The following FIBCD1 variants were observed in gnomAD, a reference collection of about 807,000 sequenced individuals.
FIBCD1 encodes fibrinogen C domain containing 1, also known as fibrinogen C domain-containing protein 1.
Under a neutral mutation model 45.1 loss-of-function variants are expected in FIBCD1, and 47 were observed. The observed-to-expected ratio is 1.04, with a 90% confidence interval of 0.82 to 1.33. The LOEUF (loss-of-function observed/expected upper bound fraction) is 1.33, where lower values mean the gene tolerates loss of function less well. Among genes scored for constraint, FIBCD1 ranks in the 40% most tolerant of loss-of-function variants. The pLI, the probability that FIBCD1 is intolerant of heterozygous loss-of-function variation, is 0.00. For synonymous variants in FIBCD1, 313 were observed against 308.1 expected, an observed-to-expected ratio of 1.02 and a Z score of -0.17; for missense variants, 653 against 682.2, an observed-to-expected ratio of 0.96 and a Z score of 0.48.
At position 130,922,987 on chromosome 9, in the gene FIBCD1, C is replaced by A. The variant is rs1374874486; in HGVS notation, c.849+757G>T. Among the ~76,000 whole-genome samples the A allele has an allele frequency of 1.3e-5, 2 of 152,170 alleles. No individual in the cohort carries two copies. Among genetic ancestry groups the A allele is most frequent in the East Asian group, 3.8e-4 (2 of 5,202 alleles). On this transcript the variant is annotated intron_variant, in intron 4 of 6. Coordinates refer to ENST00000372338, the MANE Select transcript of FIBCD1 (RefSeq NM_032843.5). The surrounding 1 kb of genome is among the most constrained non-coding windows in gnomAD (Gnocchi z 4.5). ...ACAGTGACTTCTTCCGCCCCCAATGCCCCCTGGCGTGTAAATTCCTCGGGA... is the reference window on the plus strand; with the variant it reads ...ACAGTGACTTCTTCCGCCCCCAATGACCCCTGGCGTGTAAATTCCTCGGGA...
At chr9:130,931,524 A>G (rs756429206) in intron 1 of FIBCD1, among the ~76,000 whole-genome samples, 1 of 152,202 alleles carries the variant, frequency 6.6e-6, no homozygotes, top group Non-Finnish European at 1.5e-5. Context: ...ACAAAAAACA[A>G]AAAACAAAAA....
chr9:130,924,409 G>C lies in FIBCD1; in HGVS notation c.553-13C>G. ...TCTCAGAGAGAAGCTGCGGAGCACA[G>C]GGGGTGAGCCGAGGGGGCAGGGGCT... On this transcript the variant is annotated splice_polypyrimidine_tract_variant and intron_variant, in intron 2 of 6. Transcript: ENST00000372338. 6.2e-7 allele frequency: 1 copy of C among 1,601,660 alleles called. No homozygotes were observed. The highest frequency in any genetic ancestry group is 8.5e-7 in the Non-Finnish European group (1 of 1,175,286).
intron 1 of FIBCD1, chr9:130,938,280 C>T (rs2133131534): frequency 1.2e-5 from 5 of 403,928 alleles, no homozygotes; most frequent in East Asian, 4.2e-5. Context: ...CAGGGGGCTG[C>T]TGGGGGTGCG....
At chr9:130,904,548 T>C (rs1047921746) in intron 6 of FIBCD1, among the ~76,000 whole-genome samples, 1 of 152,132 alleles carries the variant, frequency 6.6e-6, no homozygotes, top group Non-Finnish European at 1.5e-5. Context: ...TTCTCGGGCG[T>C]GCCTGGGGCT....
chr9:130,910,308 A>G (rs1832013659), intron 5 of FIBCD1, among the ~76,000 whole-genome samples: 1 of 152,208 alleles, frequency 6.6e-6, no homozygotes, highest in African/African-American at 2.4e-5. Context: ...CAGCAGTGCC[A>G]GCCCACCGGC....
intron 5 of FIBCD1, among the ~76,000 whole-genome samples, chr9:130,910,175 G>T (rs1235221714): frequency 1.3e-5 from 2 of 152,248 alleles, no homozygotes; most frequent in Admixed American, 1.3e-4. Flanking sequence ...GCCAGCTGGA[G>T]TTCCAGGTGG....
At chr9:130,917,439 C>A (rs189533808) in intron 4 of FIBCD1, among the ~76,000 whole-genome samples, 1 of 151,260 alleles carries the variant, frequency 6.6e-6, no homozygotes, top group Non-Finnish European at 1.5e-5. Context: ...GAAGGAGTGA[C>A]GGCTCTGGAC....
chr9:130,922,808 GC>G lies in FIBCD1; in HGVS notation c.849+935del, dbSNP rs2133103440. ...TCATCACGCACCACAAATCCCTCGG[GC>G]CCTGCTCCTCAGATGTTCCCTGGTA... On this transcript the variant is annotated intron_variant, in intron 4 of 6. Coordinates refer to ENST00000372338, the MANE Select transcript of FIBCD1 (RefSeq NM_032843.5). This position sits in a 1 kb window ranked among gnomAD's most constrained non-coding sequence, Gnocchi z 4.5. 6.6e-6 allele frequency among the ~76,000 whole-genome samples: 1 copy of G among 152,158 alleles called. No homozygotes were observed. The highest frequency in any genetic ancestry group is 2.4e-5 in the African/African-American group (1 of 41,508).
At chr9:130,904,474 CG>C in intron 6 of FIBCD1, 151 bp from the exon 7 acceptor site, 1 of 1,141,132 alleles carries the variant, frequency 8.8e-7, no homozygotes, top group East Asian at 2.5e-5. Context: ...GCTGTGCACG[CG>C]TGCAAGCGCA....
Position 130,903,828 on chromosome 9 carries a change from C to T in FIBCD1, c.*236G>A. The T allele has an allele frequency of 1.6e-6, 1 of 618,346 alleles. No individual in the cohort carries two copies. Among genetic ancestry groups the T allele is most frequent in the Non-Finnish European group, 3.0e-6 (1 of 338,640 alleles). The allele number at this position is 618,346 out of a possible 1,614,324, so 38.3% of individuals were successfully genotyped here. On this transcript the variant is annotated 3_prime_UTR_variant, in exon 7 of 7. Transcript: ENST00000372338. ...GTTGGGGTCGTCAAGTTTGCCAGCCCCCATCAGCAGAGGCAAGAGATCAGT... is the reference window on the plus strand; with the variant it reads ...GTTGGGGTCGTCAAGTTTGCCAGCCTCCATCAGCAGAGGCAAGAGATCAGT...
At chr9:130,909,777 T>A (rs1008336990) in intron 5 of FIBCD1, among the ~76,000 whole-genome samples, 1 of 150,116 alleles carries the variant, frequency 6.7e-6, no homozygotes, top group Non-Finnish European at 1.5e-5. Context: ...AAAAAAGAAA[T>A]GTTAAGGACT....
intron 4 of FIBCD1, among the ~76,000 whole-genome samples, chr9:130,917,566 C>T (rs901118512): frequency 1.3e-5 from 2 of 152,216 alleles, no homozygotes; most frequent in South Asian, 2.1e-4. Context: ...GCCTCTGGGC[C>T]GCTGCAGCCT....
At chr9:130,910,900 A>G (rs565133941) in intron 5 of FIBCD1, among the ~76,000 whole-genome samples, 1 of 152,252 alleles carries the variant, frequency 6.6e-6, no homozygotes, top group Non-Finnish European at 1.5e-5. Flanking sequence ...CTTTGTGTCC[A>G]TACTCTGTAT....
Position 130,926,892 on chromosome 9 carries a change from G to A in FIBCD1, c.553-2496C>T, listed in dbSNP as rs564268016. On this transcript the variant is annotated intron_variant, in intron 2 of 6. Transcript: ENST00000372338. This position sits in a 1 kb window ranked among gnomAD's most constrained non-coding sequence, Gnocchi z 4.1. ...AAATGTACTAACCTCCTGGCGTTAT[G>A]GGGCTGCAAAGTGCCTATTAACGCG... Among the ~76,000 whole-genome samples, 3 of 152,264 alleles carry A rather than the reference G, an allele frequency of 2.0e-5. No homozygotes were observed. The East Asian group carries it at 5.8e-4, about 29-fold the overall frequency.
Position 130,929,886 on chromosome 9 carries a change from G to C in FIBCD1, c.233C>G (p.Ala78Gly), listed in dbSNP as rs1415708062. 6.5e-7 allele frequency: 1 copy of C among 1,549,554 alleles called. No homozygotes were observed. Among genetic ancestry groups the C allele is most frequent in the Admixed American group, 2.0e-5 (1 of 50,990 alleles). Residue 78 changes from alanine (A) to glycine (G), a missense_variant, in exon 2 of 7, where the codon GCC becomes GGC. Coordinates refer to ENST00000372338, the MANE Select transcript of FIBCD1 (RefSeq NM_032843.5). ...VSTGAASANS[A>G]LVTVERADSS... ...GTCCGCCCTTTCCACAGTGACCAGGGCGCTGTTGGCGCTGGCAGCCCCAGT... is the reference window on the plus strand; with the variant it reads ...GTCCGCCCTTTCCACAGTGACCAGGCCGCTGTTGGCGCTGGCAGCCCCAGT...
upstream of FIBCD1, among the ~76,000 whole-genome samples, chr9:130,940,159 C>T (rs1832598259): frequency 6.6e-6 from 1 of 152,360 alleles, no homozygotes; most frequent in African/African-American, 2.4e-5. Context: ...TCTACGCGTC[C>T]GGCACTGGCG....
chr9:130,923,225 G>A (rs1260671068), intron 4 of FIBCD1, among the ~76,000 whole-genome samples: 3 of 152,168 alleles, frequency 2.0e-5, no homozygotes, highest in Non-Finnish European at 2.9e-5. Flanking sequence ...GGGGCATCTC[G>A]CTCCTGTTTC....
At position 130,905,242 on chromosome 9, in the gene FIBCD1, C is replaced by A; in HGVS notation, c.1118G>T (p.Gly373Val). The change falls in exon 6 of 7, where the codon GGC becomes GTC. Residue 373 changes from glycine (G) to valine (V), a missense_variant. Transcript: ENST00000372338. ...GYPLTVADYS[G>V]TAGDSLLKHS... ...CACAGCTGGAGCCTCACCTGCAGTG[C>A]CGGAATAGTCAGCCACGGTGAGCGG... 6.2e-7 allele frequency: 1 copy of A among 1,613,086 alleles called. No individual in the cohort carries two copies. The highest frequency in any genetic ancestry group is 8.5e-7 in the Non-Finnish European group (1 of 1,179,566).
chr9:130,918,692 G>T (rs1330788881), intron 4 of FIBCD1, among the ~76,000 whole-genome samples: 1 of 152,180 alleles, frequency 6.6e-6, no homozygotes, highest in South Asian at 2.1e-4. Flanking sequence ...GCATTCCCAG[G>T]AGTCTGGCTT....
Sources: gnomAD v4.1 joint callset for allele counts (sites outside exome capture counted in the v4.1 genomes callset) on GRCh38, gnomAD v4.1.1 for gene constraint, Gnocchi (gnomAD v3.1) non-coding constraint, MANE v1.5 for transcripts, NCBI Gene and HGNC (gene_info 2026-07-23, HGNC 2026-07-21) for gene names.